Variants in ITGA11 observed in about 807,000 individuals in gnomAD.
The protein encoded by ITGA11 is integrin alpha-11.
Under a neutral mutation model 141.9 loss-of-function variants are expected in ITGA11, and 97 were observed. That is an observed-to-expected ratio of 0.68 (90% CI 0.58 to 0.81). ITGA11 has a LOEUF of 0.81. Ranked by LOEUF, ITGA11 falls within the 30% of genes least tolerant of loss-of-function variation. The pLI, the probability that ITGA11 is intolerant of heterozygous loss-of-function variation, is 0.00. For synonymous variants in ITGA11, 658 were observed against 624.6 expected, an observed-to-expected ratio of 1.05 and a Z score of -0.80; for missense variants, 1,387 against 1,559.2, an observed-to-expected ratio of 0.89 and a Z score of 1.86.
In ITGA11 at chr15:68,313,776, C is replaced by T; in HGVS notation, c.2882+3G>A. The T allele has an allele frequency of 6.2e-7, 1 of 1,613,516 alleles. No homozygotes were observed. The highest frequency in any genetic ancestry group is 2.2e-5 in the East Asian group (1 of 44,876). The stretch of plus-strand genomic sequence containing the variant: ...CTCCTGGGGCCCCCGGAGCCCGGCC[C>T]ACCTGGTGAAGAGGACGTCAGCCTC... On this transcript the variant is annotated splice_donor_region_variant and intron_variant, in intron 23 of 29. Coordinates refer to ENST00000315757, the MANE Select transcript of ITGA11 (RefSeq NM_001004439.2).
chr15:68,302,924 G>T lies in ITGA11; in HGVS notation c.*135C>A. The T allele has an allele frequency of 3.0e-6, 2 of 664,024 alleles. No individual in the cohort carries two copies. The highest frequency in any genetic ancestry group is 5.2e-6 in the Non-Finnish European group (2 of 387,470). 41.1% of individuals were successfully genotyped at this position (664,024 alleles called of 1,614,324 possible). On this transcript the variant is annotated 3_prime_UTR_variant, in exon 30 of 30. Transcript: ENST00000315757. ...CATTCTGGAGGGAGCAGGCGCCATT[G>T]CTCGGGAGATGAGGTCAAGTGCAAA...
chr15:68,339,736 C>T (rs985804149), intron 10 of ITGA11, 92 bp from the exon 11 acceptor site: 2 of 1,468,216 alleles, frequency 1.4e-6, no homozygotes, highest in African/African-American at 1.4e-5. Context: ...GACGCCTCCA[C>T]CAGCCACCTC....
chr15:68,388,922 A>C (rs1298154627), intron 2 of ITGA11, among the ~76,000 whole-genome samples: 2 of 151,694 alleles, frequency 1.3e-5, no homozygotes, highest in African/African-American at 2.4e-5. Context: ...TAGGATCATC[A>C]CTCTCCCAGC....
At chr15:68,422,008 G>A (rs980019096) in intron 1 of ITGA11, among the ~76,000 whole-genome samples, 1 of 152,088 alleles carries the variant, frequency 6.6e-6, no homozygotes, top group Non-Finnish European at 1.5e-5. Context: ...CCTCTGGTTG[G>A]TTTCTTCTGT....
chr15:68,311,263 C>G (rs1381772644), intron 25 of ITGA11, 27 bp downstream of exon 25: 2 of 1,498,918 alleles, frequency 1.3e-6, no homozygotes, highest in Admixed American at 3.9e-5. Flanking sequence ...GTCCCCTCCC[C>G]TAGCCGGCTC....
At chr15:68,423,880 T>C (rs544182877) in intron 1 of ITGA11, among the ~76,000 whole-genome samples, 1 of 152,134 alleles carries the variant, frequency 6.6e-6, no homozygotes, top group East Asian at 1.9e-4. Flanking sequence ...AGTCAGGTGC[T>C]TCCTTCACCT....
At chr15:68,384,128 TGGCCTTAGA>T (rs1292044918) in intron 2 of ITGA11, among the ~76,000 whole-genome samples, 1 of 152,114 alleles carries the variant, frequency 6.6e-6, no homozygotes, top group Admixed American at 6.5e-5. Flanking sequence ...CCCTGAGGAC[TGGCCTTAGA>T]GGCCTTAGAG....
rs1237959271 is a variant in ITGA11 at position 68,326,141 on chromosome 15, G to C, written c.2211+513C>G. Among the ~76,000 whole-genome samples, 2 of 152,242 alleles carry C rather than the reference G, an allele frequency of 1.3e-5. No individual in the cohort carries two copies. Among genetic ancestry groups the C allele is most frequent in the Non-Finnish European group, 2.9e-5 (2 of 68,042 alleles). On this transcript the variant is annotated intron_variant, in intron 17 of 29. Coordinates refer to ENST00000315757, the MANE Select transcript of ITGA11 (RefSeq NM_001004439.2). The surrounding 1 kb of genome is among the most constrained non-coding windows in gnomAD (Gnocchi z 6.8). ...GACCCTGCTTGCATCTCTGGGGCTG[G>C]AGCTGTGAGCTGGGTATTTGGTATC...
intron 4 of ITGA11, chr15:68,361,998 C>A (rs1362818110): frequency 6.7e-6 from 2 of 297,316 alleles, no homozygotes; most frequent in African/African-American, 2.2e-5. Context: ...CTTCACCCTA[C>A]CTGCCCACCC....
intron 1 of ITGA11, among the ~76,000 whole-genome samples, chr15:68,429,297 G>A (rs991275861): frequency 2.0e-5 from 3 of 152,186 alleles, no homozygotes; most frequent in African/African-American, 7.2e-5. Context: ...AAACTCCAGG[G>A]CCTCCACCCT....
intron 2 of ITGA11, among the ~76,000 whole-genome samples, chr15:68,389,501 T>G (rs555344850): frequency 6.6e-6 from 1 of 152,236 alleles, no homozygotes; most frequent in Non-Finnish European, 1.5e-5. Context: ...GCAGAGGGAC[T>G]AGAGAGATCT....
At chr15:68,318,712 T>G (rs1395568463) in intron 20 of ITGA11, among the ~76,000 whole-genome samples, 1 of 151,396 alleles carries the variant, frequency 6.6e-6, no homozygotes, top group Non-Finnish European at 1.5e-5. Context: ...ACTGCTCCTG[T>G]GTGTGTGGCA....
rs1210101689 is a variant in ITGA11 at position 68,325,756 on chromosome 15, A to G, written c.2212-515T>C. ...GAATGAACAAACTCGTGAGCAAGAC[A>G]GGGGCGCTCAGGTTGGTTCTGAGCA... On this transcript the variant is annotated intron_variant, in intron 17 of 29. Coordinates refer to ENST00000315757, the MANE Select transcript of ITGA11 (RefSeq NM_001004439.2). This position sits in a 1 kb window ranked among gnomAD's most constrained non-coding sequence, Gnocchi z 5.5. Among the ~76,000 whole-genome samples the G allele has an allele frequency of 6.6e-6, 1 of 152,224 alleles. No homozygotes were observed. The highest frequency in any genetic ancestry group is 2.4e-5 in the African/African-American group (1 of 41,468).
intron 1 of ITGA11, among the ~76,000 whole-genome samples, chr15:68,403,714 A>C (rs948082618): frequency 6.6e-6 from 1 of 151,536 alleles, no homozygotes; most frequent in Non-Finnish European, 1.5e-5. Flanking sequence ...GGCTCACTGC[A>C]ACTTCCTCCT....
At chr15:68,414,070 C>T (rs974182266) in intron 1 of ITGA11, among the ~76,000 whole-genome samples, 4 of 152,244 alleles carry the variant, frequency 2.6e-5, no homozygotes, top group East Asian at 1.9e-4. Context: ...GGGGTCCAGG[C>T]GATGTGGTCA....
chr15:68,432,077 ACGGCGGCTGGGTCCGGTGTGCAG>A lies in ITGA11; in HGVS notation c.-34_-12del. On this transcript the variant is annotated 5_prime_UTR_variant, in exon 1 of 30. Transcript: ENST00000315757. Reference sequence around the variant, plus strand: ...CCTGGGCAGGTCCATGGCCCGCGGCACGGCGGCTGGGTCCGGTGTGCAGCGGCGGCGGGGGGCGGCAAGCCAGA... The same window carrying A: ...CCTGGGCAGGTCCATGGCCCGCGGCACGGCGGCGGGGGGCGGCAAGCCAGA... 7 of 1,368,280 alleles carry A rather than the reference ACGGCGGCTGGGTCCGGTGTGCAG, an allele frequency of 5.1e-6. No homozygotes were observed. The highest frequency in any genetic ancestry group is 3.1e-5 in the East Asian group (1 of 32,680). 84.8% of individuals were successfully genotyped at this position (1,368,280 alleles called of 1,614,324 possible). A position where few individuals can be genotyped will look rare whatever the true frequency, so the allele number is the denominator to read the frequency against.
chr15:68,410,257 C>T (rs758560083), intron 1 of ITGA11, among the ~76,000 whole-genome samples: 2 of 152,218 alleles, frequency 1.3e-5, no homozygotes, highest in African/African-American at 2.4e-5. Flanking sequence ...CCCAGGCCTC[C>T]ACTGGTTCTT....
At chr15:68,317,931 C>T (rs1893651113) in intron 20 of ITGA11, among the ~76,000 whole-genome samples, 1 of 152,156 alleles carries the variant, frequency 6.6e-6, no homozygotes, top group African/African-American at 2.4e-5. Flanking sequence ...CATGTGTGTG[C>T]ATGTACCTGC....
chr15:68,365,264 C>T, intron 3 of ITGA11: 1 of 985,432 alleles, frequency 1.0e-6, no homozygotes, highest in Non-Finnish European at 1.2e-6. Context: ...CTCATCTGAA[C>T]AATCAACATG....
Sources: allele counts gnomAD v4.1 joint callset (sites outside exome capture counted in the v4.1 genomes callset), GRCh38; gene constraint gnomAD v4.1.1; non-coding constraint Gnocchi (gnomAD v3.1); transcripts MANE v1.5; gene names NCBI Gene and HGNC (gene_info 2026-07-23, HGNC 2026-07-21).